Variants in DNAI2 observed in about 807,000 individuals in gnomAD.
The protein encoded by DNAI2 is dynein axonemal intermediate chain 2.
In DNAI2, 63 loss-of-function variants were observed where a neutral mutation model predicts 74.7. The observed-to-expected ratio is 0.84, with a 90% CI of 0.69 to 1.04. DNAI2 has a LOEUF of 1.04. Among genes scored for constraint, DNAI2 ranks in the 50% least tolerant of loss-of-function variants. DNAI2 has a pLI of 0.00. For synonymous variants in DNAI2, 289 were observed against 314.9 expected, an observed-to-expected ratio of 0.92 and a Z score of 0.87; for missense variants, 688 against 803.2, an observed-to-expected ratio of 0.86 and a Z score of 1.73.
chr17:74,299,218 C>A (rs924502942), intron 6 of DNAI2, among the ~76,000 whole-genome samples: 1 of 152,170 alleles, frequency 6.6e-6, no homozygotes, highest in African/African-American at 2.4e-5. Context: ...TTCTTTCCAA[C>A]AGAGGCAGCA....
intron 2 of DNAI2, among the ~76,000 whole-genome samples, chr17:74,284,513 A>G (rs927111677): frequency 5.9e-5 from 9 of 151,990 alleles, no homozygotes; most frequent in African/African-American, 1.5e-4. Context: ...CCCAGGTTCA[A>G]GTGATTCTCC....
At chr17:74,301,264 C>G in intron 8 of DNAI2, 96 bp downstream of exon 8, 3 of 1,579,184 alleles carry the variant, frequency 1.9e-6, no homozygotes, top group South Asian at 2.2e-5. Context: ...CTCGTGGAAC[C>G]CAGCACCAGC....
At position 74,301,438 on chromosome 17, in the gene DNAI2, G is replaced by GTGTTCA. The variant is rs1365092785; in HGVS notation, c.987+270_987+271insTGTTCA. Among the ~76,000 whole-genome samples the GTGTTCA allele has an allele frequency of 2.0e-5, 3 of 152,288 alleles. No individual in the cohort carries two copies. The East Asian group carries it at 5.8e-4, about 29-fold the overall frequency. Reference sequence around the variant, plus strand: ...AGCTGAACACAGAGGGCAATCTTTTGACAGAACAATTCCAGAAAAGCCCTG... The same window carrying GTGTTCA: ...AGCTGAACACAGAGGGCAATCTTTTGTGTTCAACAGAACAATTCCAGAAAAGCCCTG... On this transcript the variant is annotated intron_variant, in intron 8 of 13. Coordinates refer to ENST00000311014, the MANE Select transcript of DNAI2 (RefSeq NM_023036.6).
intron 4 of DNAI2, among the ~76,000 whole-genome samples, chr17:74,287,320 A>G (rs1463239836): frequency 6.6e-6 from 1 of 152,188 alleles, no homozygotes; most frequent in Non-Finnish European, 1.5e-5. Context: ...AGAGAAAGTG[A>G]AATTGCCCAG....
Position 74,286,986 on chromosome 17 carries a change from C to A in DNAI2, c.355C>A (p.His119Asn), listed in dbSNP as rs200825190. ...AATGTGTCCCCCCTAGATCATGGAGCACTGCATCAAGCAGAACAATGCCAT... is the reference window on the plus strand; with the variant it reads ...AATGTGTCCCCCCTAGATCATGGAGAACTGCATCAAGCAGAACAATGCCAT... ...AIMQLGSIMEHCIKQNNAIDI... is the reference protein window; with the variant it reads ...AIMQLGSIMENCIKQNNAIDI... Residue 119 changes from histidine to asparagine, a missense_variant, in exon 4 of 14, where the codon CAC becomes AAC. Physicochemically the swap from His to Asn is moderately conservative, Grantham distance 68. Transcript: ENST00000311014. 43 of 1,613,700 alleles carry A rather than the reference C, an allele frequency of 2.7e-5. No homozygotes were observed. Among genetic ancestry groups the A allele is most frequent in the Non-Finnish European group, 3.6e-5 (43 of 1,179,836 alleles).
intron 1 of DNAI2, among the ~76,000 whole-genome samples, chr17:74,277,863 TA>T (rs2051188209): frequency 1.3e-5 from 2 of 152,240 alleles, no homozygotes; most frequent in African/African-American, 4.8e-5. Context: ...GTTGAGAGAT[TA>T]AGTTCCCTCA....
chr17:74,302,252 A>C (rs1313092812), intron 8 of DNAI2, among the ~76,000 whole-genome samples: 1 of 151,458 alleles, frequency 6.6e-6, no homozygotes, highest in East Asian at 2.0e-4. Flanking sequence ...ACAACATAGC[A>C]AGACACTGTC....
At chr17:74,281,720 G>A (rs751695519) in intron 1 of DNAI2, 87 bp from the exon 2 acceptor site, 3 of 1,359,146 alleles carry the variant, frequency 2.2e-6, no homozygotes, top group Middle Eastern at 2.0e-4. Flanking sequence ...ACCAGATTGA[G>A]AACCTGGAGC....
rs989379455 is a variant in DNAI2 at position 74,281,802 on chromosome 17, C to A, written c.-11-5C>A. On this transcript the variant is annotated splice_region_variant and splice_polypyrimidine_tract_variant and intron_variant, in intron 1 of 13. Transcript: ENST00000311014. ...CTCACCCCACACCCTCCCTCTGCCC[C>A]CCAGCAGCCGGCACCATGGAGATTG... The A allele has an allele frequency of 6.2e-7, 1 of 1,613,224 alleles. No individual in the cohort carries two copies. Among genetic ancestry groups the A allele is most frequent in the African/African-American group, 1.3e-5 (1 of 74,878 alleles).
intron 3 of DNAI2, 135 bp from the exon 4 acceptor site, chr17:74,286,842 C>T: frequency 8.8e-7 from 1 of 1,135,574 alleles, no homozygotes; most frequent in Admixed American, 1.8e-5. Context: ...GAAAATTCCT[C>T]CATTGAAAGC....
At chr17:74,305,471 G>T in intron 9 of DNAI2, 29 bp downstream of exon 9, 1 of 1,605,884 alleles carries the variant, frequency 6.2e-7, no homozygotes, top group Non-Finnish European at 8.5e-7. Context: ...GACAGGAGGG[G>T]ATGCAGGAGA....
chr17:74,300,977 G>T lies in DNAI2; in HGVS notation c.865-69G>T. On this transcript the variant is annotated intron_variant, in intron 7 of 13. Coordinates refer to ENST00000311014, the MANE Select transcript of DNAI2 (RefSeq NM_023036.6). This position sits in a 1 kb window ranked among gnomAD's most constrained non-coding sequence, Gnocchi z 4.5. ...GCTGACCCCAGGACGGTGGGGTGAG[G>T]GCGGAGAAGGCAAAAGCCAGGGGAA... 2 of 1,602,680 alleles carry T rather than the reference G, an allele frequency of 1.2e-6. No individual in the cohort carries two copies. The highest frequency in any genetic ancestry group is 8.5e-7 in the Non-Finnish European group (1 of 1,174,864).
rs1336205452 is a variant in DNAI2 at position 74,296,505 on chromosome 17, A to C, written c.725-3213A>C. ...GCCTCCCAAAGTACAGGCGTGAGCCACTGTACTCGGCCCAGCTTTTCCTTT... is the reference window on the plus strand; with the variant it reads ...GCCTCCCAAAGTACAGGCGTGAGCCCCTGTACTCGGCCCAGCTTTTCCTTT... On this transcript the variant is annotated intron_variant, in intron 6 of 13. Transcript: ENST00000311014. Among the ~76,000 whole-genome samples the C allele has an allele frequency of 3.3e-5, 5 of 152,118 alleles. No homozygotes were observed. In the East Asian group the frequency reaches 9.6e-4, roughly 29 times the overall value.
intron 5 of DNAI2, among the ~76,000 whole-genome samples, chr17:74,290,632 A>G (rs539747979): frequency 3.3e-5 from 5 of 152,308 alleles, no homozygotes; most frequent in East Asian, 3.9e-4. Flanking sequence ...CAGCAGCCCT[A>G]TGGGGTGGAC....
At chr17:74,280,292 A>G (rs2051318978) in intron 1 of DNAI2, among the ~76,000 whole-genome samples, 1 of 152,118 alleles carries the variant, frequency 6.6e-6, no homozygotes, top group Non-Finnish European at 1.5e-5. Flanking sequence ...GAGCACTTTC[A>G]TTTCACTTCT....
Position 74,310,002 on chromosome 17 carries a change from C to T in DNAI2, c.1348-15C>T, listed in dbSNP as rs755825865. ...CCTCTCTCCTCTACCTGGGTCTGCC[C>T]GGCCCCTTCAATAGGTGTGTGACGA... On this transcript the variant is annotated splice_polypyrimidine_tract_variant and intron_variant, in intron 10 of 13. Transcript: ENST00000311014. 2.0e-5 allele frequency: 32 copies of T among 1,613,606 alleles called. No homozygotes were observed. The highest frequency in any genetic ancestry group is 2.7e-5 in the African/African-American group (2 of 74,924).
chr17:74,301,735 A>G (rs2052776034), intron 8 of DNAI2, among the ~76,000 whole-genome samples: 1 of 151,470 alleles, frequency 6.6e-6, no homozygotes, highest in Non-Finnish European at 1.5e-5. Context: ...GCACTTTGGG[A>G]GGCCAAGAAT....
In DNAI2 at chr17:74,303,364, G is replaced by A. The variant is rs181481701; in HGVS notation, c.988-1855G>A. On this transcript the variant is annotated intron_variant, in intron 8 of 13. Transcript: ENST00000311014. ...GCTCACTGACGGGCGGCGTGCAGTCGGCTTGAATACTTTCTTCTCTGGACC... is the reference window on the plus strand; with the variant it reads ...GCTCACTGACGGGCGGCGTGCAGTCAGCTTGAATACTTTCTTCTCTGGACC... Among the ~76,000 whole-genome samples, 14 of 152,178 alleles carry A rather than the reference G, an allele frequency of 9.2e-5. No individual in the cohort carries two copies. The South Asian group carries it at 1.5e-3, about 16-fold the overall frequency.
chr17:74,301,171 G>A lies in DNAI2; in HGVS notation c.987+3G>A. 1 of 1,613,604 alleles carries A rather than the reference G, an allele frequency of 6.2e-7. No individual in the cohort carries two copies. On this transcript the variant is annotated splice_donor_region_variant and intron_variant, in intron 8 of 13. Transcript: ENST00000311014. ...CCCTGGAGTTCGAATCTACTTTGGT[G>A]AGTGTCCCTTGCTGTCCCTTCCCCG... is the stretch of plus-strand genomic sequence containing the variant.
Sources: allele counts gnomAD v4.1 joint callset (sites outside exome capture counted in the v4.1 genomes callset), GRCh38; gene constraint gnomAD v4.1.1; non-coding constraint Gnocchi (gnomAD v3.1); transcripts MANE v1.5; gene names NCBI Gene and HGNC (gene_info 2026-07-23, HGNC 2026-07-21).